MYT1L: variants seen among roughly 807,000 people sequenced by gnomAD.
MYT1L encodes the protein myelin transcription factor 1 like.
A neutral mutation model predicts 126.7 loss-of-function variants in MYT1L; 12 were observed. The ratio of observed to expected loss-of-function variants is 0.09; its 90% CI spans 0.06 to 0.15. The LOEUF (loss-of-function observed/expected upper bound fraction) is 0.15. Ranked by LOEUF, MYT1L falls within the 10% of genes least tolerant of loss-of-function variation. The pLI is 1.00. For synonymous variants in MYT1L, 541 were observed against 604.2 expected, an observed-to-expected ratio of 0.90 and a Z score of 1.53; for missense variants, 979 against 1,585.2, an observed-to-expected ratio of 0.62 and a Z score of 6.49.
chr2:1,842,707 C>A (rs1572766926), intron 19 of MYT1L: 1 of 153,072 alleles, frequency 6.5e-6, no homozygotes, highest in African/African-American at 2.4e-5. Context: ...CCCTGCACCC[C>A]ACTGACCGCT....
At chr2:2,031,827 G>A (rs1331978826) in intron 4 of MYT1L, among the ~76,000 whole-genome samples, 2 of 140,628 alleles carry the variant, frequency 1.4e-5, no homozygotes, top group Admixed American at 7.0e-5. Flanking sequence ...TAGAAGGAGG[G>A]CCTTACACAC....
chr2:2,250,795 A>G (rs10181194), intron 2 of MYT1L, among the ~76,000 whole-genome samples: 18,669 of 152,142 alleles, frequency 0.12, 1,279 homozygotes, highest in Non-Finnish European at 0.16. Context: ...CCTACCATGT[A>G]CCCACAAGAA....
intron 8 of MYT1L, among the ~76,000 whole-genome samples, chr2:1,975,069 A>G (rs2060064572): frequency 6.6e-6 from 1 of 152,200 alleles, no homozygotes; most frequent in Non-Finnish European, 1.5e-5. Context: ...TTTAAATCAT[A>G]AACTCCTTTT....
intron 3 of MYT1L, among the ~76,000 whole-genome samples, chr2:2,140,382 T>A (rs1219732439): frequency 2.0e-5 from 3 of 151,946 alleles, no homozygotes; most frequent in Non-Finnish European, 4.4e-5. Context: ...AGAAATTTGC[T>A]CTTTTTGCAA....
intron 2 of MYT1L, among the ~76,000 whole-genome samples, chr2:2,232,020 C>T (rs1366715621): frequency 6.6e-6 from 1 of 152,174 alleles, no homozygotes. Context: ...AACCACTTAA[C>T]AATAAAGGAA....
In MYT1L at chr2:2,141,997, C is replaced by G. The variant is rs57587483; in HGVS notation, c.-304+30875G>C. 8.8e-3 allele frequency among the ~76,000 whole-genome samples: 1,333 copies of G among 152,340 alleles called. 20 individuals carry two copies. Among genetic ancestry groups the G allele is most frequent in the African/African-American group, 0.027 (1,109 of 41,568 alleles). ...ATTCTCCTTCTCCCACACGGGAAAG[C>G]TTAATGTTTTCTTTTTAGTCAATAT... On this transcript the variant is annotated intron_variant, in intron 3 of 24. Transcript: ENST00000647738.
intron 2 of MYT1L, among the ~76,000 whole-genome samples, chr2:2,237,172 A>G (rs542826509): frequency 5.8e-4 from 88 of 151,824 alleles, no homozygotes; most frequent in African/African-American, 2.1e-3. Flanking sequence ...ATACTTTCCC[A>G]TCTCACTCTT....
At chr2:2,063,417 T>C (rs369334317) in intron 3 of MYT1L, among the ~76,000 whole-genome samples, 15 of 152,196 alleles carry the variant, frequency 9.9e-5, no homozygotes, top group African/African-American at 3.4e-4. Context: ...CCTTTTCACA[T>C]GGGCGGGGCC....
At chr2:1,856,070 T>TA (rs1045481453) in intron 18 of MYT1L, among the ~76,000 whole-genome samples, 7 of 152,054 alleles carry the variant, frequency 4.6e-5, no homozygotes, top group East Asian at 1.9e-4. Context: ...AGGCGAATTC[T>TA]AAAAAAACAA....
rs542272314 is a variant in MYT1L, at chr2:2,254,700, C to A, written c.-421+29704G>T. Reference sequence around the variant, plus strand: ...AATGGCAAAGTTCCACAGAAAGATGCGAAATGTTCATTTTTTTTCTAATGA... The same window carrying A: ...AATGGCAAAGTTCCACAGAAAGATGAGAAATGTTCATTTTTTTTCTAATGA... On this transcript the variant is annotated intron_variant, in intron 2 of 24. Transcript: ENST00000647738. Among the ~76,000 whole-genome samples, 4 of 152,086 alleles carry A rather than the reference C, an allele frequency of 2.6e-5. No homozygotes were observed. In the South Asian group the frequency reaches 8.3e-4, roughly 32 times the overall value.
At chr2:2,112,444 A>C (rs1312796497) in intron 3 of MYT1L, among the ~76,000 whole-genome samples, 2 of 152,234 alleles carry the variant, frequency 1.3e-5, no homozygotes, top group Non-Finnish European at 2.9e-5. Context: ...TATAAATTCA[A>C]AGAAAAAGAG....
chr2:1,923,164 G>A lies in MYT1L; in HGVS notation c.605C>T (p.Ala202Val). ...DEYDNYDELV[A>V]KSLLNLGKIA... ...TTTGCCGAGGTTTAACAATGACTTG[G>A]CCACCAGTTCATCGTAATTGTCATA... Residue 202 changes from alanine (A) to valine (V), a missense_variant, in exon 10 of 25, where the codon GCC (alanine) becomes GTC (valine). Physicochemically the swap from Ala to Val is moderately conservative, Grantham distance 64 (BLOSUM62 0). Transcript: ENST00000647738. 6.2e-7 allele frequency: 1 copy of A among 1,613,976 alleles called. No individual in the cohort carries two copies. Among genetic ancestry groups the A allele is most frequent in the Non-Finnish European group, 8.5e-7 (1 of 1,179,900 alleles).
chr2:2,323,479 G>T (rs760733638), intron 1 of MYT1L, among the ~76,000 whole-genome samples: 3 of 152,028 alleles, frequency 2.0e-5, no homozygotes, highest in Non-Finnish European at 4.4e-5. Context: ...TTGCCTTTTC[G>T]GGAGAATAGG....
chr2:2,148,596 G>A (rs1455837878), intron 3 of MYT1L, among the ~76,000 whole-genome samples: 1 of 152,168 alleles, frequency 6.6e-6, no homozygotes, highest in Non-Finnish European at 1.5e-5. Context: ...ACAGAAAGGT[G>A]CCAAGGGCTT....
In MYT1L at chr2:1,997,771, T is replaced by C. The variant is rs111587740; in HGVS notation, c.-157-424A>G. ...TGGAGGAGCTCCACACCAGGATTCG[T>C]GCTGTCACCCTTATTTATTCTGTGA... On this transcript the variant is annotated intron_variant, in intron 4 of 24. Transcript: ENST00000647738. Among the ~76,000 whole-genome samples, 843 of 152,320 alleles carry C rather than the reference T, an allele frequency of 5.5e-3. 7 individuals are homozygous for C. The highest frequency in any genetic ancestry group is 0.019 in the African/African-American group (791 of 41,576).
intron 4 of MYT1L, among the ~76,000 whole-genome samples, chr2:2,053,309 G>A (rs1480470477): frequency 3.9e-5 from 6 of 152,326 alleles, no homozygotes; most frequent in African/African-American, 7.2e-5. Flanking sequence ...GTTAGGGAAC[G>A]AAAAAGTTCT....
At chr2:2,018,909 C>T (rs79492907) in intron 4 of MYT1L, among the ~76,000 whole-genome samples, 2,486 of 152,258 alleles carry the variant, frequency 0.016, 73 homozygotes, top group African/African-American at 0.057. Flanking sequence ...CTCACGTGGG[C>T]ATATTACATA....
intron 1 of MYT1L, among the ~76,000 whole-genome samples, chr2:2,307,312 A>G (rs911491372): frequency 5.3e-5 from 8 of 152,182 alleles, no homozygotes; most frequent in Non-Finnish European, 1.2e-4. Context: ...AACAGAATAT[A>G]GAATTCATTT....
chr2:2,234,061 A>G (rs2094224069), intron 2 of MYT1L, among the ~76,000 whole-genome samples: 1 of 152,236 alleles, frequency 6.6e-6, no homozygotes, highest in South Asian at 2.1e-4. Context: ...AAGTCTATTC[A>G]GTGCATTTTA....
Sources: gnomAD v4.1 joint callset for allele counts (sites outside exome capture counted in the v4.1 genomes callset) on GRCh38, gnomAD v4.1.1 for gene constraint, MANE v1.5 for transcripts, NCBI Gene and HGNC (gene_info 2026-07-23, HGNC 2026-07-21) for gene names.